The following IL23R variants were observed in gnomAD, a reference collection of about 807,000 sequenced individuals.
IL23R encodes the protein interleukin-23 receptor.
IL23R carries 34 observed loss-of-function variants against 56.9 expected under a neutral mutation model. The ratio of observed to expected loss-of-function variants is 0.60; its 90% confidence interval spans 0.45 to 0.80. IL23R has a LOEUF of 0.80. IL23R is among the 30% of genes least tolerant of loss of function. IL23R has a pLI of 0.00. For missense variants in IL23R, 635 were observed against 730.0 expected (o/e 0.87, Z 1.50); for synonymous variants, 230 against 249.2 (o/e 0.92, Z 0.73).
At chr1:67,140,511 A>G (rs981321305) in intron 1 of IL23R, among the ~76,000 whole-genome samples, 12 of 152,204 alleles carry the variant, frequency 7.9e-5, no homozygotes, top group African/African-American at 2.9e-4. Flanking sequence ...ATAAAATATA[A>G]TCTTTTTCTT....
At chr1:67,213,040 C>T (rs2102649723) in intron 6 of IL23R, among the ~76,000 whole-genome samples, 1 of 152,060 alleles carries the variant, frequency 6.6e-6, no homozygotes, top group South Asian at 2.1e-4. Flanking sequence ...CGTCTGGCTT[C>T]TTTTTGTATT....
intron 8 of IL23R, among the ~76,000 whole-genome samples, chr1:67,237,427 T>C (rs916071118): frequency 1.3e-5 from 2 of 152,226 alleles, no homozygotes; most frequent in Non-Finnish European, 2.9e-5. Context: ...CTAGGACTTG[T>C]CTAGACATCT....
At position 67,210,219 on chromosome 1, in the gene IL23R, TAAG is replaced by T. The variant is rs561992663; in HGVS notation, c.798+3167_798+3169del. 1.8e-3 allele frequency among the ~76,000 whole-genome samples: 272 copies of T among 152,272 alleles called. 1 individual carries two copies. The highest frequency in any genetic ancestry group is 5.7e-3 in the African/African-American group (236 of 41,556). On this transcript the variant is annotated intron_variant, in intron 6 of 10. Coordinates refer to ENST00000347310, the MANE Select transcript of IL23R (RefSeq NM_144701.3). ...GCCAAGGTTAAATTATCTAGTGTCT[TAAG>T]AAAGGCATAGCTGCAAGGTTCATTA...
chr1:67,193,271 T>C (rs72676069), intron 4 of IL23R, among the ~76,000 whole-genome samples: 44,787 of 152,052 alleles, frequency 0.29, 6,999 homozygotes, highest in Admixed American at 0.43. Context: ...TGCCTAACCT[T>C]TTTACTCCGC....
chr1:67,162,602 A>T (rs1016145743), upstream of IL23R, among the ~76,000 whole-genome samples: 7 of 152,254 alleles, frequency 4.6e-5, no homozygotes, highest in African/African-American at 1.7e-4. Context: ...TGAGTATCCC[A>T]GCATGGGCTG....
At chr1:67,234,562 A>G (rs1269035273) in intron 7 of IL23R, among the ~76,000 whole-genome samples, 1 of 152,226 alleles carries the variant, frequency 6.6e-6, no homozygotes, top group Non-Finnish European at 1.5e-5. Context: ...TTAAAAGCCA[A>G]CAACACCATA....
rs1465880569 is a variant in IL23R at position 67,200,789 on chromosome 1, T to A, written c.544T>A (p.Ser182Thr). The A allele has an allele frequency of 6.2e-7, 1 of 1,613,938 alleles. No homozygotes were observed. The highest frequency in any genetic ancestry group is 8.5e-7 in the Non-Finnish European group (1 of 1,179,976). The change falls in exon 5 of 11, where the codon TCC becomes ACC. Residue 182 changes from serine to threonine, a missense_variant. Ser to Thr is a moderately conservative substitution (Grantham distance 58). Coordinates refer to ENST00000347310, the MANE Select transcript of IL23R (RefSeq NM_144701.3). ...QYLTSSYINI[S>T]TDSLQGGKKY... ...TCTCACCTCAAGCTATATTAACATCTCCACTGATTCATTACAAGGTGGCAA... is the reference window on the plus strand; with the variant it reads ...TCTCACCTCAAGCTATATTAACATCACCACTGATTCATTACAAGGTGGCAA...
At chr1:67,167,123 G>A (rs1031511353) in intron 1 of IL23R, among the ~76,000 whole-genome samples, 1 of 152,134 alleles carries the variant, frequency 6.6e-6, no homozygotes, top group Non-Finnish European at 1.5e-5. Flanking sequence ...GGGTGCGGGG[G>A]ACAAGGTCTC....
chr1:67,171,479 T>A (rs1646943140), intron 3 of IL23R, among the ~76,000 whole-genome samples: 1 of 152,212 alleles, frequency 6.6e-6, no homozygotes, highest in Non-Finnish European at 1.5e-5. Flanking sequence ...ACAGAACAGT[T>A]GGTTTTTGTA....
intron 3 of IL23R, among the ~76,000 whole-genome samples, chr1:67,179,133 A>G (rs1265745955): frequency 6.6e-6 from 1 of 152,204 alleles, no homozygotes; most frequent in Non-Finnish European, 1.5e-5. Context: ...TGGCCTCATA[A>G]AATGAGTTAG....
chr1:67,256,488 T>C (rs777742567), intron 10 of IL23R, among the ~76,000 whole-genome samples: 2 of 152,152 alleles, frequency 1.3e-5, no homozygotes, highest in African/African-American at 2.4e-5. Context: ...GGGACATTAC[T>C]GATTATAAAG....
chr1:67,258,724 A>G lies in IL23R; in HGVS notation c.1486A>G (p.Ser496Gly), dbSNP rs768596081. ...AATTTCAAATTTTCTGCCTGAGGGAAGCCATCTCAGCAATAATAATGAAAT... is the reference window on the plus strand; with the variant it reads ...AATTTCAAATTTTCTGCCTGAGGGAGGCCATCTCAGCAATAATAATGAAAT... ...PQISNFLPEG[S>G]HLSNNNEITS... Residue 496 changes from serine (S) to glycine (G), a missense_variant, in exon 11 of 11, where the codon AGC (serine) becomes GGC (glycine). By Grantham distance (56) the Ser-to-Gly change is moderately conservative (BLOSUM62 0). Transcript: ENST00000347310. 12 of 1,613,612 alleles carry G rather than the reference A, an allele frequency of 7.4e-6. No individual in the cohort carries two copies. The highest frequency in any genetic ancestry group is 1.6e-4 in the Middle Eastern group (1 of 6,078).
At chr1:67,175,820 G>T (rs1647000879) in intron 3 of IL23R, among the ~76,000 whole-genome samples, 2 of 152,102 alleles carry the variant, frequency 1.3e-5, no homozygotes, top group South Asian at 4.1e-4. Context: ...AGGCAAAGAG[G>T]TTTCTTTTCT....
chr1:67,201,105 T>G (rs762287692), intron 5 of IL23R, among the ~76,000 whole-genome samples: 13 of 109,832 alleles, frequency 1.2e-4, no homozygotes, highest in Non-Finnish European at 1.8e-4. Flanking sequence ...CCAGTCTTAT[T>G]TCTAAATTGT....
intron 6 of IL23R, among the ~76,000 whole-genome samples, chr1:67,213,530 C>T (rs1241039480): frequency 6.6e-6 from 1 of 152,138 alleles, no homozygotes; most frequent in African/African-American, 2.4e-5. Flanking sequence ...ATGTTTCAGG[C>T]AATGATGGAT....
At chr1:67,232,415 A>G (rs1474926002) in intron 7 of IL23R, among the ~76,000 whole-genome samples, 3 of 152,156 alleles carry the variant, frequency 2.0e-5, no homozygotes, top group African/African-American at 2.4e-5. Flanking sequence ...GGCTGCTTGC[A>G]GGGCTGACTC....
chr1:67,196,406 G>A (rs1022872117), intron 4 of IL23R, among the ~76,000 whole-genome samples: 1 of 152,138 alleles, frequency 6.6e-6, no homozygotes, highest in Non-Finnish European at 1.5e-5. Context: ...TAGGCCTGGT[G>A]GCACATGCCT....
At chr1:67,247,804 G>T (rs1197372861) in intron 9 of IL23R, among the ~76,000 whole-genome samples, 3 of 152,256 alleles carry the variant, frequency 2.0e-5, no homozygotes, top group Non-Finnish European at 1.5e-5. Context: ...TGTAAGGCAG[G>T]CCTGGTGGTG....
intron 4 of IL23R, among the ~76,000 whole-genome samples, chr1:67,183,959 C>G (rs1647202832): frequency 6.6e-6 from 1 of 152,202 alleles, no homozygotes; most frequent in Non-Finnish European, 1.5e-5. Context: ...CCAGGCCAGG[C>G]ATAGTGGCTC....
Sources: gnomAD v4.1 joint callset for allele counts (sites outside exome capture counted in the v4.1 genomes callset) on GRCh38, gnomAD v4.1.1 for gene constraint, MANE v1.5 for transcripts, NCBI Gene and HGNC (gene_info 2026-07-23, HGNC 2026-07-21) for gene names.